The following AVL9 variants were observed in gnomAD, a reference collection of about 807,000 sequenced individuals.
The protein encoded by AVL9 is AVL9 cell migration associated, also known as late secretory pathway protein AVL9 homolog.
In AVL9, 49 loss-of-function variants were observed where a neutral mutation model predicts 79.2. The observed-to-expected ratio is 0.62, with a 90% confidence interval of 0.49 to 0.79. The LOEUF is 0.79. AVL9 is among the 30% of genes least tolerant of loss of function. The pLI is 0.00. For synonymous variants in AVL9, 299 were observed against 280.6 expected (o/e 1.07, Z -0.65); for missense variants, 682 against 776.8 (o/e 0.88, Z 1.45).
chr7:32,569,193 C>T (rs769467533), intron 10 of AVL9, among the ~76,000 whole-genome samples: 7 of 152,132 alleles, frequency 4.6e-5, no homozygotes, highest in Non-Finnish European at 8.8e-5. Context: ...ACTTATAGAA[C>T]TTGAGGCTGA....
At position 32,495,495 on chromosome 7, in the gene AVL9, G is replaced by C; in HGVS notation, c.-215G>C. 1 of 386,552 alleles carries C rather than the reference G, an allele frequency of 2.6e-6. No homozygotes were observed. Among genetic ancestry groups the C allele is most frequent in the Non-Finnish European group, 4.6e-6 (1 of 218,124 alleles). The allele number at this position is 386,552 out of a possible 1,614,324, so 23.9% of individuals were successfully genotyped here. On this transcript the variant is annotated 5_prime_UTR_variant, in exon 1 of 16. Coordinates refer to ENST00000318709, the MANE Select transcript of AVL9 (RefSeq NM_015060.3). ...CTCGCCGGCGGCGGCCGCCGTGTCA[G>C]GTGACAGCCCGGAAGCTGCGGAAGC...
At chr7:32,572,184 A>AAC (rs1790879078) in intron 11 of AVL9, among the ~76,000 whole-genome samples, 1 of 148,408 alleles carries the variant, frequency 6.7e-6, no homozygotes. Context: ...AAAAAAAAAA[A>AAC]TTCAGCCACA....
chr7:32,570,067 C>G lies in AVL9; in HGVS notation c.1263C>G (p.Leu421=), dbSNP rs749269025. ...PYMALQQHHL[L]SDVTVRGFVA... is the part of the protein sequence containing the mutation. ...TGGCATTGCAGCAGCATCATCTTCT[C>G]TCCGATGTCACCGTTCGGGGGTTTG... Residue 421 remains leucine (L), a synonymous_variant, in exon 11 of 16, where the codon CTC becomes CTG. Coordinates refer to ENST00000318709, the MANE Select transcript of AVL9 (RefSeq NM_015060.3). 11 of 1,614,208 alleles carry G rather than the reference C, an allele frequency of 6.8e-6. No individual in the cohort carries two copies. The East Asian group carries it at 2.5e-4, about 36-fold the overall frequency.
chr7:32,557,268 G>T (rs542990144), intron 8 of AVL9, among the ~76,000 whole-genome samples: 2 of 151,958 alleles, frequency 1.3e-5, no homozygotes, highest in South Asian at 2.1e-4. Flanking sequence ...GCGCAGGCTG[G>T]TCTTGAACTC....
In AVL9 at chr7:32,551,605, CTTTT is replaced by C. The variant is rs60271681; in HGVS notation, c.462+198_462+201del. Among the ~76,000 whole-genome samples the C allele has an allele frequency of 4.4e-4, 41 of 93,756 alleles. 2 individuals are homozygous for C. Among genetic ancestry groups the C allele is most frequent in the African/African-American group, 1.7e-3 (38 of 22,878 alleles). The allele number at this position is 93,756 out of a possible 152,430, so 61.5% of individuals were successfully genotyped here. ...TGCCCAAATACTAAATTTAACCAAA[CTTTT>C]TTTTTTTTTTTTTTTAGGAAATAAT... On this transcript the variant is annotated intron_variant, in intron 5 of 15. Coordinates refer to ENST00000318709, the MANE Select transcript of AVL9 (RefSeq NM_015060.3).
intron 8 of AVL9, 84 bp downstream of exon 8, chr7:32,554,680 A>G (rs961887948): frequency 2.8e-5 from 26 of 931,936 alleles, no homozygotes; most frequent in Non-Finnish European, 4.0e-5. Flanking sequence ...AATTGAAACT[A>G]ATGATAAAGT....
At chr7:32,496,092 A>G (rs1182474192) in intron 1 of AVL9, among the ~76,000 whole-genome samples, 2 of 151,930 alleles carry the variant, frequency 1.3e-5, no homozygotes, top group Non-Finnish European at 2.9e-5. Context: ...GAGTGGGAGG[A>G]AAGCATCGAA....
At chr7:32,549,210 TTTATA>T (rs1438285972) in intron 4 of AVL9, among the ~76,000 whole-genome samples, 12 of 23,788 alleles carry the variant, frequency 5.0e-4, no homozygotes, top group Non-Finnish European at 1.0e-3. Context: ...AAAAAAAAAT[TTTATA>T]TATATATATA....
intron 1 of AVL9, among the ~76,000 whole-genome samples, chr7:32,542,031 T>C (rs931434101): frequency 6.6e-6 from 1 of 152,122 alleles, no homozygotes. Flanking sequence ...CAGTTGATTT[T>C]AAATGATCTC....
At chr7:32,555,500 G>T (rs1790014460) in intron 8 of AVL9, among the ~76,000 whole-genome samples, 1 of 152,216 alleles carries the variant, frequency 6.6e-6, no homozygotes, top group Non-Finnish European at 1.5e-5. Flanking sequence ...GGTTTGCCAT[G>T]ATTGGCTTAG....
intron 15 of AVL9, 63 bp from the exon 16 acceptor site, chr7:32,583,729 C>A: frequency 9.8e-7 from 1 of 1,020,884 alleles, no homozygotes; most frequent in Non-Finnish European, 1.5e-6. Context: ...TTATGTTGGT[C>A]TTTCACTGTC....
Position 32,586,368 on chromosome 7 carries a change from G to A in AVL9, c.*2461G>A, listed in dbSNP as rs1037803704. The stretch of plus-strand genomic sequence containing the variant: ...TTTCCTTCAGGTTCTGGGAGGTGGA[G>A]TTTTTCAAGGAACACTGGCTGTTGT... On this transcript the variant is annotated 3_prime_UTR_variant, in exon 16 of 16. Coordinates refer to ENST00000318709, the MANE Select transcript of AVL9 (RefSeq NM_015060.3). 1 of 151,940 alleles carries A rather than the reference G, an allele frequency of 6.6e-6. No homozygotes were observed. The highest frequency in any genetic ancestry group is 6.6e-5 in the Admixed American group (1 of 15,258). 9.4% of individuals were successfully genotyped at this position (151,940 alleles called of 1,614,324 possible). A position where few individuals can be genotyped will look rare whatever the true frequency, so the allele number is the denominator to read the frequency against.
In AVL9 at chr7:32,579,425, A is replaced by G. The variant is rs1172919341; in HGVS notation, c.1689-794A>G. ...ATATTATATATAATATGTTATATAT[A>G]TAATATATATATTATATATAATATA... On this transcript the variant is annotated intron_variant, in intron 13 of 15. Transcript: ENST00000318709. 1.7e-3 allele frequency among the ~76,000 whole-genome samples: 9 copies of G among 5,168 alleles called. 2 individuals are homozygous for G. The highest frequency in any genetic ancestry group is 1.0e-2 in the African/African-American group (7 of 702). 3.4% of individuals were successfully genotyped at this position (5,168 alleles called of 152,430 possible).
chr7:32,512,463 G>A (rs1787721992), intron 1 of AVL9, among the ~76,000 whole-genome samples: 1 of 152,182 alleles, frequency 6.6e-6, no homozygotes, highest in East Asian at 1.9e-4. Flanking sequence ...AAAGCAGGTG[G>A]GACTAGAACT....
rs1790945378 is a variant in AVL9, at chr7:32,573,360, G to C, written c.1512G>C (p.Trp504Cys). The C allele has an allele frequency of 6.2e-7, 1 of 1,613,762 alleles. No homozygotes were observed. Residue 504 changes from tryptophan to cysteine, a missense_variant, in exon 12 of 16, where the codon TGG becomes TGC. Trp to Cys is a radical substitution (Grantham distance 215, BLOSUM62 -2). Transcript: ENST00000318709. Reference protein sequence around the residue: ...DGTGWEGGDEWIRAQFAVYIH... With the variant: ...DGTGWEGGDECIRAQFAVYIH... Reference sequence around the variant, plus strand: ...CGGGCTGGGAGGGAGGTGACGAATGGATCCGGGCCCAGTTTGCGGTCTACA... The same window carrying C: ...CGGGCTGGGAGGGAGGTGACGAATGCATCCGGGCCCAGTTTGCGGTCTACA...
chr7:32,570,281 C>G lies in AVL9; in HGVS notation c.1350+127C>G, dbSNP rs1027513486. 2.3e-6 allele frequency: 3 copies of G among 1,283,178 alleles called. No individual in the cohort carries two copies. The African/African-American group carries it at 4.4e-5, about 19-fold the overall frequency. The allele number at this position is 1,283,178 out of a possible 1,614,324, so 79.5% of individuals were successfully genotyped here. On this transcript the variant is annotated intron_variant, in intron 11 of 15. Transcript: ENST00000318709. The stretch of plus-strand genomic sequence containing the variant: ...AACTGCATACTGTATGCCATGTATT[C>G]TAAGTATTTTATGTGTATTAACTGG...
Position 32,584,107 on chromosome 7 carries a change from G to A in AVL9, c.*200G>A. 1.6e-6 allele frequency: 1 copy of A among 618,884 alleles called. No individual in the cohort carries two copies. Among genetic ancestry groups the A allele is most frequent in the Non-Finnish European group, 3.0e-6 (1 of 335,394 alleles). 38.3% of individuals were successfully genotyped at this position (618,884 alleles called of 1,614,324 possible). A position where few individuals can be genotyped will look rare whatever the true frequency, so the allele number is the denominator to read the frequency against. ...ATAGCAGGGATGGCTTTCCAGGTTG[G>A]GGTTTCAATTGACTACTTTTATTTC... is the stretch of plus-strand genomic sequence containing the variant. On this transcript the variant is annotated 3_prime_UTR_variant, in exon 16 of 16. Transcript: ENST00000318709.
intron 3 of AVL9, among the ~76,000 whole-genome samples, chr7:32,548,320 G>A (rs995454525): frequency 6.6e-6 from 1 of 151,858 alleles, no homozygotes; most frequent in African/African-American, 2.4e-5. Context: ...GCTGATTTCT[G>A]TATTTTTAGT....
At chr7:32,522,144 C>T (rs964174522) in intron 1 of AVL9, among the ~76,000 whole-genome samples, 3 of 152,178 alleles carry the variant, frequency 2.0e-5, no homozygotes, top group Non-Finnish European at 4.4e-5. Flanking sequence ...GGGGTTGGAG[C>T]CCCCACACAG....
Sources: allele counts gnomAD v4.1 joint callset (sites outside exome capture counted in the v4.1 genomes callset), GRCh38; gene constraint gnomAD v4.1.1; transcripts MANE v1.5; gene names NCBI Gene and HGNC (gene_info 2026-07-23, HGNC 2026-07-21).